The following UNC5C variants were observed in gnomAD, a reference collection of about 807,000 sequenced individuals.
The protein encoded by UNC5C is unc-5 netrin receptor C.
UNC5C carries 47 observed loss-of-function variants against 99.8 expected under a neutral mutation model. The ratio of observed to expected loss-of-function variants is 0.47; its 90% CI spans 0.37 to 0.60. The LOEUF is 0.60. Among genes scored for constraint, UNC5C ranks in the 20% least tolerant of loss-of-function variants. The pLI, the probability that UNC5C is intolerant of heterozygous loss-of-function variation, is 0.00. For missense variants in UNC5C, 1,062 were observed against 1,165.9 expected (o/e 0.91, Z 1.30); for synonymous variants, 487 against 452.2 (o/e 1.08, Z -0.98).
chr4:95,480,736 A>G (rs1721123521), intron 1 of UNC5C, among the ~76,000 whole-genome samples: 1 of 152,128 alleles, frequency 6.6e-6, no homozygotes, highest in Non-Finnish European at 1.5e-5. Flanking sequence ...TCCAGCATAT[A>G]AACAAAACAA....
intron 6 of UNC5C, 115 bp from the exon 7 acceptor site, chr4:95,242,708 G>A: frequency 8.4e-7 from 1 of 1,188,374 alleles, no homozygotes; most frequent in Non-Finnish European, 1.1e-6. Flanking sequence ...GCCCTACTGA[G>A]AAGCACTGTA....
At chr4:95,247,630 A>C (rs997720242) in intron 5 of UNC5C, among the ~76,000 whole-genome samples, 2 of 152,206 alleles carry the variant, frequency 1.3e-5, no homozygotes, top group African/African-American at 4.8e-5. Flanking sequence ...GACCCTCTGA[A>C]GATCAGGTAG....
intron 7 of UNC5C, among the ~76,000 whole-genome samples, chr4:95,229,287 C>A (rs1738812398): frequency 6.6e-6 from 1 of 151,932 alleles, no homozygotes; most frequent in Non-Finnish European, 1.5e-5. Context: ...AGCCCCCCAC[C>A]CCGACAGGCC....
intron 1 of UNC5C, among the ~76,000 whole-genome samples, chr4:95,419,761 T>A (rs866998291): frequency 5.9e-5 from 9 of 152,102 alleles, no homozygotes; most frequent in African/African-American, 1.9e-4. Context: ...AGACTGATGC[T>A]TTTCTGGTCC....
intron 1 of UNC5C, among the ~76,000 whole-genome samples, chr4:95,375,523 C>G (rs1200473444): frequency 1.3e-5 from 2 of 152,232 alleles, no homozygotes; most frequent in East Asian, 3.9e-4. Context: ...AAATGCTAAT[C>G]TGAAAACCCA....
chr4:95,538,549 A>T (rs575057972), intron 1 of UNC5C, among the ~76,000 whole-genome samples: 4 of 152,256 alleles, frequency 2.6e-5, no homozygotes, highest in South Asian at 2.1e-4. Context: ...ATGCATTATT[A>T]TTTATTTTGC....
intron 3 of UNC5C, among the ~76,000 whole-genome samples, chr4:95,294,100 T>C (rs1741586380): frequency 6.6e-6 from 1 of 152,212 alleles, no homozygotes; most frequent in Non-Finnish European, 1.5e-5. Flanking sequence ...GGTAATACTG[T>C]TGAAATGATA....
intron 4 of UNC5C, among the ~76,000 whole-genome samples, chr4:95,271,314 G>A (rs933364600): frequency 2.6e-5 from 4 of 151,832 alleles, no homozygotes; most frequent in African/African-American, 4.8e-5. Flanking sequence ...TGCAAGCTCC[G>A]CCTCCTGGGT....
At chr4:95,423,666 A>G (rs1005714189) in intron 1 of UNC5C, among the ~76,000 whole-genome samples, 1 of 152,248 alleles carries the variant, frequency 6.6e-6, no homozygotes, top group Non-Finnish European at 1.5e-5. Flanking sequence ...AAGACTTAGA[A>G]GAAATGTCTT....
At chr4:95,412,421 G>A (rs1746019893) in intron 1 of UNC5C, among the ~76,000 whole-genome samples, 1 of 151,908 alleles carries the variant, frequency 6.6e-6, no homozygotes, top group African/African-American at 2.4e-5. Flanking sequence ...GCAATCTCAT[G>A]TTAGGTCCCC....
At chr4:95,197,328 C>T (rs770918314) in intron 12 of UNC5C, among the ~76,000 whole-genome samples, 7 of 151,836 alleles carry the variant, frequency 4.6e-5, no homozygotes, top group Non-Finnish European at 7.4e-5. Flanking sequence ...CCTAGTCCAG[C>T]ATTTCTGTGG....
chr4:95,395,704 G>T (rs1469184973), intron 1 of UNC5C, among the ~76,000 whole-genome samples: 1 of 152,148 alleles, frequency 6.6e-6, no homozygotes, highest in African/African-American at 2.4e-5. Flanking sequence ...TTCCCTGAGT[G>T]CCCAGGGATT....
rs1739446891 is a variant in UNC5C at position 95,244,907 on chromosome 4, T to C, written c.943+70A>G. 2.6e-6 allele frequency: 4 copies of C among 1,563,792 alleles called. No individual in the cohort carries two copies. The South Asian group carries it at 4.5e-5, about 18-fold the overall frequency. On this transcript the variant is annotated intron_variant, in intron 6 of 15. Transcript: ENST00000453304. ...ATTCAGATCAAGAATAAAGTCTGTG[T>C]ATCTATTCTCTAAAAGCATGTTTCT...
rs544779498 is a variant in UNC5C, at chr4:95,201,534, G to A, written c.2136+1197C>T. Among the ~76,000 whole-genome samples the A allele has an allele frequency of 9.9e-5, 15 of 151,814 alleles. No individual in the cohort carries two copies. In the East Asian group the frequency reaches 1.2e-3, roughly 12 times the overall value. On this transcript the variant is annotated intron_variant, in intron 12 of 15. Coordinates refer to ENST00000453304, the MANE Select transcript of UNC5C (RefSeq NM_003728.4). Reference sequence around the variant, plus strand: ...TGAATCTCAGCTCCTCTCTCTGGCCGTAAAGGTCCATCTAGACAAAATTCC... The same window carrying A: ...TGAATCTCAGCTCCTCTCTCTGGCCATAAAGGTCCATCTAGACAAAATTCC...
chr4:95,360,485 CAG>C (rs759371691), intron 1 of UNC5C, among the ~76,000 whole-genome samples: 41 of 152,062 alleles, frequency 2.7e-4, no homozygotes, highest in Non-Finnish European at 4.6e-4. Flanking sequence ...AATAAACAAA[CAG>C]AAAATTTGCA....
chr4:95,330,767 C>T (rs1316163609), intron 2 of UNC5C, among the ~76,000 whole-genome samples: 1 of 151,940 alleles, frequency 6.6e-6, no homozygotes, highest in Non-Finnish European at 1.5e-5. Context: ...TAGAATAATA[C>T]CAATTAATAA....
chr4:95,436,660 G>A (rs1456347577), intron 1 of UNC5C, among the ~76,000 whole-genome samples: 2 of 151,846 alleles, frequency 1.3e-5, no homozygotes, highest in Non-Finnish European at 2.9e-5. Context: ...TCAAGCTGCT[G>A]AAATATCAGA....
chr4:95,263,469 T>C (rs910496028), intron 4 of UNC5C, among the ~76,000 whole-genome samples: 3 of 152,148 alleles, frequency 2.0e-5, no homozygotes, highest in African/African-American at 7.2e-5. Flanking sequence ...GGCTGAGAAC[T>C]GGGAAGACTA....
intron 14 of UNC5C, among the ~76,000 whole-genome samples, chr4:95,174,492 T>C (rs1370701638): frequency 2.6e-5 from 4 of 152,206 alleles, no homozygotes; most frequent in Non-Finnish European, 4.4e-5. Flanking sequence ...GCCTTCATTT[T>C]GTTATTTACC....
Sources: gnomAD v4.1 joint callset for allele counts (sites outside exome capture counted in the v4.1 genomes callset) on GRCh38, gnomAD v4.1.1 for gene constraint, MANE v1.5 for transcripts, NCBI Gene and HGNC (gene_info 2026-07-23, HGNC 2026-07-21) for gene names.